The following CORIN variants were observed in gnomAD, a reference collection of about 807,000 sequenced individuals.
The protein encoded by CORIN is corin, serine peptidase.
Under a neutral mutation model 125.3 loss-of-function variants are expected in CORIN, and 117 were observed. That is an observed-to-expected ratio of 0.93 (90% CI 0.80 to 1.09). The LOEUF (loss-of-function observed/expected upper bound fraction) is 1.09. Among genes scored for constraint, CORIN ranks in the 50% least tolerant of loss-of-function variants. The probability of loss-of-function intolerance (pLI) is 0.00; values close to 1 mark genes in which losing one functional copy is unlikely to be tolerated. For synonymous variants in CORIN, 450 were observed against 466.4 expected, an observed-to-expected ratio of 0.96 and a Z score of 0.45; for missense variants, 1,253 against 1,306.7, an observed-to-expected ratio of 0.96 and a Z score of 0.63.
At chr4:47,596,121 T>A (rs1238402596) in intron 21 of CORIN, among the ~76,000 whole-genome samples, 1 of 152,068 alleles carries the variant, frequency 6.6e-6, no homozygotes, top group Non-Finnish European at 1.5e-5. Flanking sequence ...AAGGGTGGAG[T>A]GGCTTGGGAA....
At chr4:47,691,878 G>A (rs1366167142) in intron 6 of CORIN, among the ~76,000 whole-genome samples, 3 of 152,188 alleles carry the variant, frequency 2.0e-5, no homozygotes, top group African/African-American at 7.2e-5. Flanking sequence ...TAGCCCATCA[G>A]ATGAAAGATG....
chr4:47,600,415 T>A, intron 20 of CORIN, 68 bp from the exon 21 acceptor site: 1 of 1,057,994 alleles, frequency 9.5e-7, no homozygotes, highest in Non-Finnish European at 1.3e-6. Context: ...CTAGTGAGGC[T>A]AGCCAAATAT....
At chr4:47,818,083 G>A (rs1005323505) in intron 1 of CORIN, among the ~76,000 whole-genome samples, 1 of 152,192 alleles carries the variant, frequency 6.6e-6, no homozygotes, top group African/African-American at 2.4e-5. Flanking sequence ...CAATTCAAAG[G>A]CCTGTGCATT....
rs199578205 is a variant in CORIN, at chr4:47,626,979, T to TTGC, written c.2199-459_2199-458insGCA. Among the ~76,000 whole-genome samples, 340 of 124,132 alleles carry TTGC rather than the reference T, an allele frequency of 2.7e-3. 3 individuals are homozygous for TTGC. The highest frequency in any genetic ancestry group is 9.7e-3 in the African/African-American group (328 of 33,988). 81.4% of individuals were successfully genotyped at this position (124,132 alleles called of 152,430 possible). The stretch of plus-strand genomic sequence containing the variant: ...ATATTTCTATGTTTGTAGGTTGTTG[T>TTGC]TGTTGTTGTTGTTGTTTTTTTTTTG... On this transcript the variant is annotated intron_variant, in intron 16 of 21. Transcript: ENST00000273857.
At chr4:47,780,922 T>C (rs1252788426) in intron 3 of CORIN, among the ~76,000 whole-genome samples, 1 of 150,412 alleles carries the variant, frequency 6.6e-6, no homozygotes, top group Non-Finnish European at 1.5e-5. Context: ...TTTATATATA[T>C]ATATATGACA....
chr4:47,716,725 T>C (rs530583678), intron 5 of CORIN, among the ~76,000 whole-genome samples: 9 of 152,286 alleles, frequency 5.9e-5, no homozygotes, highest in Admixed American at 5.9e-4. Context: ...TAAATCCAGC[T>C]ACAAGAAAAT....
chr4:47,790,250 G>A (rs1288275979), intron 2 of CORIN: 2 of 980,636 alleles, frequency 2.0e-6, no homozygotes, highest in Admixed American at 6.2e-5. Context: ...TGGTGAGACA[G>A]CCAAGTAAAA....
chr4:47,653,647 A>T lies in CORIN; in HGVS notation c.1749T>A (p.Ser583Arg). 1.2e-6 allele frequency: 2 copies of T among 1,613,920 alleles called. No homozygotes were observed. Among genetic ancestry groups the T allele is most frequent in the Non-Finnish European group, 1.7e-6 (2 of 1,179,856 alleles). ...ACTGTCCTGAGCGGCACTTGAAATG[A>T]CTAGGTGAGCATTCTATTAAAAACA... ...PDEYVEECSP[S>R]HFKCRSGQCV... The change falls in exon 13 of 22, where the codon AGT (serine) becomes AGA (arginine). Residue 583 changes from serine to arginine, a missense_variant. Transcript: ENST00000273857.
At position 47,807,010 on chromosome 4, in the gene CORIN, C is replaced by A. The variant is rs1560558268; in HGVS notation, c.101G>T (p.Cys34Phe). The part of the protein sequence containing the change: ...RADDNNMGNG[C>F]SQKLATANLL... ...GTTAGCAGTCGCCAGCTTCTGAGAG[C>A]AGCCATTGCCCATGTTATTGTCATC... Residue 34 changes from cysteine (C) to phenylalanine (F), a missense_variant, in exon 2 of 22, where the codon TGC becomes TTC. Physicochemically the swap from Cys to Phe is radical, Grantham distance 205 (BLOSUM62 -2). Coordinates refer to ENST00000273857, the MANE Select transcript of CORIN (RefSeq NM_006587.4). The A allele has an allele frequency of 6.2e-7, 1 of 1,613,944 alleles. No homozygotes were observed. The highest frequency in any genetic ancestry group is 1.7e-5 in the Admixed American group (1 of 59,966).
chr4:47,769,261 C>T (rs746154810), intron 3 of CORIN, among the ~76,000 whole-genome samples: 9 of 151,564 alleles, frequency 5.9e-5, no homozygotes, highest in South Asian at 2.1e-4. Context: ...AAAAAGAAAT[C>T]GAGAAAACAA....
At chr4:47,817,154 T>C (rs1349763200) in intron 1 of CORIN, among the ~76,000 whole-genome samples, 2 of 152,072 alleles carry the variant, frequency 1.3e-5, no homozygotes, top group African/African-American at 4.8e-5. Context: ...TGTCTCTTAA[T>C]TGTGTGTGAT....
rs77497913 is a variant in CORIN, at chr4:47,817,040, A to T, written c.64-9993T>A. On this transcript the variant is annotated intron_variant, in intron 1 of 21. Transcript: ENST00000273857. Reference sequence around the variant, plus strand: ...CACAGCCCTAAGTAAGCAAACTGTTACCCTTCCTATAGGCATTAATAAACA... The same window carrying T: ...CACAGCCCTAAGTAAGCAAACTGTTTCCCTTCCTATAGGCATTAATAAACA... 5.5e-3 allele frequency among the ~76,000 whole-genome samples: 831 copies of T among 152,244 alleles called. 6 individuals carry two copies. Among genetic ancestry groups the T allele is most frequent in the Non-Finnish European group, 8.3e-3 (562 of 68,020 alleles).
At chr4:47,740,765 A>C (rs552059983) in intron 5 of CORIN, among the ~76,000 whole-genome samples, 15 of 152,104 alleles carry the variant, frequency 9.9e-5, no homozygotes, top group African/African-American at 3.6e-4. Flanking sequence ...AGATAGATCA[A>C]TAAAAAATAA....
chr4:47,748,633 T>C (rs1185625797), intron 4 of CORIN, among the ~76,000 whole-genome samples: 3 of 152,148 alleles, frequency 2.0e-5, no homozygotes, highest in Non-Finnish European at 4.4e-5. Flanking sequence ...ATAAAAATGT[T>C]AGAGAATTTA....
chr4:47,596,391 T>C (rs1003851273), intron 21 of CORIN, among the ~76,000 whole-genome samples: 1 of 152,182 alleles, frequency 6.6e-6, no homozygotes, highest in Non-Finnish European at 1.5e-5. Context: ...CATAACACAA[T>C]TTGGGGTCCC....
rs774730839 is a variant in CORIN at position 47,595,726 on chromosome 4, T to G, written c.3124A>C (p.Asn1042His). The change falls in exon 22 of 22, where the codon AAC (asparagine) becomes CAC (histidine). Residue 1042 changes from asparagine (N) to histidine (H), a missense_variant. By Grantham distance (68) the Asn-to-His change is moderately conservative. Coordinates refer to ENST00000273857, the MANE Select transcript of CORIN (RefSeq NM_006587.4). ...GTCTCTGATCATCCTTATAATTAGT[T>G]TAGGAGAAAGGTCTGGATGTAAATC... ...RQIYIQTFLL[N>H] is the part of the protein sequence containing the mutation. The G allele has an allele frequency of 1.9e-6, 3 of 1,599,368 alleles. No individual in the cohort carries two copies. In the African/African-American group the frequency reaches 4.1e-5, roughly 22 times the overall value.
intron 20 of CORIN, among the ~76,000 whole-genome samples, chr4:47,602,448 T>C (rs547173573): frequency 1.3e-5 from 2 of 152,326 alleles, no homozygotes; most frequent in African/African-American, 4.8e-5. Flanking sequence ...AATAGTCAAA[T>C]AGCAAATCAA....
At chr4:47,608,961 T>C (rs913576517) in intron 19 of CORIN, among the ~76,000 whole-genome samples, 10 of 152,144 alleles carry the variant, frequency 6.6e-5, no homozygotes, top group African/African-American at 2.4e-4. Flanking sequence ...ATTTCCCTTC[T>C]CTCACCCTCT....
At chr4:47,796,440 C>T (rs912438023) in intron 2 of CORIN, among the ~76,000 whole-genome samples, 3 of 151,852 alleles carry the variant, frequency 2.0e-5, no homozygotes, top group Non-Finnish European at 4.4e-5. Flanking sequence ...GGAAATAAGG[C>T]GATATCCAAG....
Sources: gnomAD v4.1 joint callset for allele counts (sites outside exome capture counted in the v4.1 genomes callset) on GRCh38, gnomAD v4.1.1 for gene constraint, MANE v1.5 for transcripts, NCBI Gene and HGNC (gene_info 2026-07-23, HGNC 2026-07-21) for gene names.